Variants in ANKRD12 observed in about 807,000 individuals in gnomAD.
The protein encoded by ANKRD12 is ankyrin repeat domain 12.
Under a neutral mutation model 183.4 loss-of-function variants are expected in ANKRD12, and 85 were observed. That is an observed-to-expected ratio of 0.46 (90% CI 0.39 to 0.56). The LOEUF is 0.56. Among genes scored for constraint, ANKRD12 ranks in the 20% least tolerant of loss-of-function variants. The pLI is 0.00. For synonymous variants in ANKRD12, 914 were observed against 800.2 expected (o/e 1.14, Z -2.40); for missense variants, 2,405 against 2,357.1 (o/e 1.02, Z -0.42).
chr18:9,272,785 C>T (rs535335570), intron 10 of ANKRD12, among the ~76,000 whole-genome samples: 1 of 152,012 alleles, frequency 6.6e-6, no homozygotes, highest in Non-Finnish European at 1.5e-5. Context: ...CTTTGAATAT[C>T]GTTTGTCATA....
intron 1 of ANKRD12, among the ~76,000 whole-genome samples, chr18:9,148,189 G>A (rs1027786451): frequency 5.9e-5 from 9 of 152,062 alleles, no homozygotes; most frequent in Non-Finnish European, 1.3e-4. Flanking sequence ...AGGGCCAGAA[G>A]GTCAGTAAAC....
chr18:9,154,291 A>G (rs1315253993), intron 1 of ANKRD12, among the ~76,000 whole-genome samples: 2 of 152,122 alleles, frequency 1.3e-5, no homozygotes, highest in African/African-American at 4.8e-5. Context: ...ATGTGGTAAC[A>G]TGTGCCTGCA....
Position 9,257,239 on chromosome 18 carries a change from A to G in ANKRD12, c.3972A>G (p.Gln1324=). The G allele has an allele frequency of 2.5e-6, 4 of 1,614,148 alleles. No homozygotes were observed. Among genetic ancestry groups the G allele is most frequent in the Non-Finnish European group, 3.4e-6 (4 of 1,179,996 alleles). ...TTTGTGAACATACCAAACAATTCCA[A>G]ACAATATCAGAAGAGAGCAATCAAG... ...SVICEHTKQF[Q]TISEESNQGS... Residue 1324 remains glutamine, a synonymous_variant, in exon 9 of 13, where the codon CAA becomes CAG. Transcript: ENST00000262126.
intron 5 of ANKRD12, among the ~76,000 whole-genome samples, chr18:9,211,157 A>G (rs1899668): frequency 0.074 from 11,235 of 152,178 alleles, 429 homozygotes; most frequent in African/African-American, 0.084. Context: ...TGATTTGCAC[A>G]TAATATAAGA....
intron 8 of ANKRD12, among the ~76,000 whole-genome samples, chr18:9,245,589 A>G (rs1470735485): frequency 6.6e-6 from 1 of 152,236 alleles, no homozygotes; most frequent in East Asian, 1.9e-4. Context: ...AGTCGTGAAT[A>G]TCTCAGAATC....
chr18:9,254,467 A>C lies in ANKRD12; in HGVS notation c.1200A>C (p.Ala400=). The change falls in exon 9 of 13, where the codon GCA becomes GCC. Residue 400 remains alanine (A), a synonymous_variant. Coordinates refer to ENST00000262126, the MANE Select transcript of ANKRD12 (RefSeq NM_015208.5). ...EPEAEKTHLF[A]KQEKAFYPKS... is the part of the protein sequence containing the mutation. The stretch of plus-strand genomic sequence containing the variant: ...AAGCAGAAAAAACTCATTTATTTGC[A>C]AAACAGGAGAAAGCCTTCTATCCTA... 1.3e-6 allele frequency: 2 copies of C among 1,565,782 alleles called. No individual in the cohort carries two copies. Among genetic ancestry groups the C allele is most frequent in the Non-Finnish European group, 8.6e-7 (1 of 1,162,166 alleles).
chr18:9,178,130 G>A (rs1278170167), intron 1 of ANKRD12, among the ~76,000 whole-genome samples: 2 of 152,162 alleles, frequency 1.3e-5, no homozygotes. Context: ...TTTTTGTGAA[G>A]TCTAATTTAT....
At chr18:9,186,669 A>G (rs922489841) in intron 2 of ANKRD12, among the ~76,000 whole-genome samples, 2 of 151,836 alleles carry the variant, frequency 1.3e-5, no homozygotes, top group Non-Finnish European at 2.9e-5. Flanking sequence ...TTTTTAAGAC[A>G]AAGTGAAGAA....
intron 6 of ANKRD12, among the ~76,000 whole-genome samples, chr18:9,212,715 C>CT (rs1418718473): frequency 6.6e-6 from 1 of 151,716 alleles, no homozygotes. Context: ...TCAATTCATA[C>CT]TACCATCAAG....
chr18:9,258,509 A>G lies in ANKRD12; in HGVS notation c.5242A>G (p.Lys1748Glu). ...AGCAAATACAATGGCAAATCAAAGCAAACAGATTCTTGCTAGCTGTACACT... is the reference window on the plus strand; with the variant it reads ...AGCAAATACAATGGCAAATCAAAGCGAACAGATTCTTGCTAGCTGTACACT... ...NKANTMANQSKQILASCTLLS... is the reference protein window; with the variant it reads ...NKANTMANQSEQILASCTLLS... Residue 1748 changes from lysine (K) to glutamate (E), a missense_variant, in exon 9 of 13, where the codon AAA becomes GAA. This residue lies in a region of ANKRD12 where 1,983 missense variants were observed against 1,725.9 expected (regional missense o/e 1.15). Transcript: ENST00000262126. The G allele has an allele frequency of 6.2e-7, 1 of 1,613,856 alleles. No individual in the cohort carries two copies. Among genetic ancestry groups the G allele is most frequent in the Non-Finnish European group, 8.5e-7 (1 of 1,179,946 alleles).
chr18:9,194,503 C>A (rs917600399), intron 2 of ANKRD12, among the ~76,000 whole-genome samples: 5 of 151,922 alleles, frequency 3.3e-5, no homozygotes, highest in Non-Finnish European at 7.4e-5. Context: ...ATTATAGGCA[C>A]CTGCCACCAC....
chr18:9,201,828 T>C (rs1030957322), intron 3 of ANKRD12, among the ~76,000 whole-genome samples: 1 of 88,776 alleles, frequency 1.1e-5, no homozygotes, highest in African/African-American at 2.9e-5. Context: ...TTTTTTTCGC[T>C]TTTTTTTTTT....
intron 6 of ANKRD12, 80 bp from the exon 7 acceptor site, chr18:9,216,678 C>A: frequency 7.2e-7 from 1 of 1,382,700 alleles, no homozygotes; most frequent in South Asian, 1.4e-5. Flanking sequence ...ATTTATATGT[C>A]ACACATTGGT....
intron 2 of ANKRD12, among the ~76,000 whole-genome samples, chr18:9,182,930 T>G (rs935185057): frequency 5.9e-5 from 9 of 152,160 alleles, no homozygotes; most frequent in Non-Finnish European, 1.3e-4. Flanking sequence ...TTATCTCTGG[T>G]TTTATACATT....
chr18:9,194,327 T>TTTTTTTTA (rs1302316802), intron 2 of ANKRD12, among the ~76,000 whole-genome samples: 3 of 144,550 alleles, frequency 2.1e-5, no homozygotes, highest in African/African-American at 7.6e-5. Flanking sequence ...ATATAGATAA[T>TTTTTTTTA]TTTATTTATT....
Position 9,258,128 on chromosome 18 carries a change from A to T in ANKRD12, c.4861A>T (p.Asn1621Tyr). 6.2e-7 allele frequency: 1 copy of T among 1,613,662 alleles called. No homozygotes were observed. The change falls in exon 9 of 13, where the codon AAT becomes TAT. Residue 1621 changes from asparagine (N) to tyrosine (Y), a missense_variant. Transcript: ENST00000262126. ...GTCTTCCAGTGGCCATGAAGTTGAG[A>T]ATAGCACAACTGATACTCAGGTCAT... is the stretch of plus-strand genomic sequence containing the variant. ...YKSSSGHEVE[N>Y]STTDTQVISH...
intron 12 of ANKRD12, 103 bp from the exon 13 acceptor site, chr18:9,280,838 C>A: frequency 9.8e-7 from 1 of 1,019,110 alleles, no homozygotes; most frequent in Non-Finnish European, 1.5e-6. Flanking sequence ...TTTTATGCTC[C>A]TGATGTGTCC....
intron 8 of ANKRD12, among the ~76,000 whole-genome samples, chr18:9,230,513 T>C (rs1567943041): frequency 1.3e-5 from 2 of 152,244 alleles, no homozygotes; most frequent in East Asian, 3.9e-4. Flanking sequence ...TTAGTTTGTT[T>C]TTGCTTTTTT....
chr18:9,275,407 A>C lies in ANKRD12; in HGVS notation c.5764-117A>C, dbSNP rs2039784119. The C allele has an allele frequency of 2.6e-5, 21 of 814,174 alleles. No homozygotes were observed. The South Asian group carries it at 3.0e-4, about 12-fold the overall frequency. 50.4% of individuals were successfully genotyped at this position (814,174 alleles called of 1,614,324 possible). ...AGGATTGCTTGAACCCAGGAGGTCA[A>C]GGCTGCAGTGAGCTGTGATCACACC... On this transcript the variant is annotated intron_variant, in intron 10 of 12. Coordinates refer to ENST00000262126, the MANE Select transcript of ANKRD12 (RefSeq NM_015208.5).
Sources: gnomAD v4.1 joint callset for allele counts (sites outside exome capture counted in the v4.1 genomes callset) on GRCh38, gnomAD v4.1.1 for gene constraint, gnomAD v4.1.1 regional missense constraint, MANE v1.5 for transcripts, NCBI Gene and HGNC (gene_info 2026-07-23, HGNC 2026-07-21) for gene names.